Variants in KDM4B observed in about 807,000 individuals in gnomAD.
The protein encoded by KDM4B is lysine-specific demethylase 4B.
In KDM4B, 32 loss-of-function variants were observed where a neutral mutation model predicts 125.2. The ratio of observed to expected loss-of-function variants is 0.26; its 90% confidence interval spans 0.19 to 0.34. The LOEUF is 0.34. Among genes scored for constraint, KDM4B ranks in the 10% least tolerant of loss-of-function variants. KDM4B has a pLI of 1.00. For missense variants in KDM4B, 1,190 were observed against 1,577.7 expected (o/e 0.75, Z 4.16); for synonymous variants, 721 against 677.9 (o/e 1.06, Z -0.99).
intron 18 of KDM4B, among the ~76,000 whole-genome samples, chr19:5,139,469 G>A (rs771219912): frequency 6.6e-6 from 1 of 152,212 alleles, no homozygotes; most frequent in Non-Finnish European, 1.5e-5. Flanking sequence ...TTGCTGGACC[G>A]TCGGGCAGCT....
intron 9 of KDM4B, among the ~76,000 whole-genome samples, chr19:5,106,202 G>A (rs1051985265): frequency 6.6e-6 from 1 of 152,280 alleles, no homozygotes; most frequent in East Asian, 1.9e-4. Context: ...GTTGTGTGTC[G>A]TTTATTTAGT....
At chr19:4,994,135 C>T (rs2035123295) in intron 1 of KDM4B, among the ~76,000 whole-genome samples, 4 of 148,530 alleles carry the variant, frequency 2.7e-5, no homozygotes, top group Admixed American at 6.9e-5. Context: ...TCTGTAGAGA[C>T]GGGTTTTGCC....
intron 1 of KDM4B, among the ~76,000 whole-genome samples, chr19:5,011,641 G>C (rs531397630): frequency 6.6e-6 from 1 of 152,218 alleles, no homozygotes; most frequent in African/African-American, 2.4e-5. Context: ...CTCGCCAGGC[G>C]TGCAGGTGAG....
At chr19:5,127,143 C>G (rs548279985) in intron 11 of KDM4B, among the ~76,000 whole-genome samples, 1 of 152,182 alleles carries the variant, frequency 6.6e-6, no homozygotes, top group Admixed American at 6.5e-5. Context: ...AGCTGGCTGC[C>G]CTCGGGGGCC....
At chr19:5,028,041 G>C (rs2036335617) in intron 2 of KDM4B, among the ~76,000 whole-genome samples, 1 of 152,158 alleles carries the variant, frequency 6.6e-6, no homozygotes, top group South Asian at 2.1e-4. Context: ...CAGGGGTGCA[G>C]TCATAGCTCA....
intron 1 of KDM4B, among the ~76,000 whole-genome samples, chr19:4,987,704 C>T (rs197150): frequency 3.9e-4 from 60 of 152,256 alleles, no homozygotes; most frequent in African/African-American, 1.2e-3. Context: ...GGATGATGGG[C>T]GTGAGCCACT....
intron 1 of KDM4B, among the ~76,000 whole-genome samples, chr19:5,002,231 C>G (rs1427553620): frequency 6.6e-6 from 1 of 152,222 alleles, no homozygotes; most frequent in South Asian, 2.1e-4. Context: ...ATCCTGACCT[C>G]AGGTGATTCA....
intron 1 of KDM4B, among the ~76,000 whole-genome samples, chr19:4,979,082 A>G (rs1020863074): frequency 6.6e-6 from 1 of 152,176 alleles, no homozygotes; most frequent in Non-Finnish European, 1.5e-5. Context: ...CAGGAGTTCA[A>G]GACCAGCAAG....
chr19:5,064,898 C>T (rs2037718975), intron 6 of KDM4B, among the ~76,000 whole-genome samples: 1 of 152,230 alleles, frequency 6.6e-6, no homozygotes, highest in Admixed American at 6.5e-5. Flanking sequence ...GCCCCGATCT[C>T]GGGTTTTCTG....
At chr19:5,043,281 G>A (rs990825822) in intron 5 of KDM4B, among the ~76,000 whole-genome samples, 1 of 129,780 alleles carries the variant, frequency 7.7e-6, no homozygotes, top group Non-Finnish European at 1.7e-5. Context: ...TATCGGAGTG[G>A]GGGTGTCCAC....
chr19:5,020,881 TCACGCCTGTCATAC>T (rs1286949547), intron 2 of KDM4B, among the ~76,000 whole-genome samples: 1 of 152,132 alleles, frequency 6.6e-6, no homozygotes, highest in African/African-American at 2.4e-5. Context: ...GTGTGGTGGC[TCACGCCTGTCATAC>T]CAGCACTTTG....
intron 15 of KDM4B, 103 bp from the exon 16 acceptor site, chr19:5,137,159 G>A (rs554877319): frequency 2.5e-5 from 19 of 762,054 alleles, no homozygotes; most frequent in South Asian, 3.2e-5. Flanking sequence ...CTCCACATAC[G>A]GACACTGGCC....
chr19:5,110,795 G>A lies in KDM4B; in HGVS notation c.1092G>A (p.Ser364=), dbSNP rs754274253. The change falls in exon 10 of 23, where the codon TCG becomes TCA. Residue 364 remains serine, a synonymous_variant. Transcript: ENST00000159111. ...GCTCCTGGAGTGCATCCCGGGCCTC[G>A]CTGAAGGCCAAGCTCCTCCGCAGGT... The part of the protein sequence containing the change: ...ELSSWSASRA[S]LKAKLLRRSH... The A allele has an allele frequency of 2.3e-5, 37 of 1,593,502 alleles. 1 individual carries two copies. The South Asian group carries it at 3.5e-4, about 15-fold the overall frequency.
intron 6 of KDM4B, among the ~76,000 whole-genome samples, chr19:5,061,912 T>C (rs910492740): frequency 6.6e-6 from 1 of 151,560 alleles, no homozygotes; most frequent in Non-Finnish European, 1.5e-5. Context: ...CCATCAGATA[T>C]TGGAGGAGTT....
chr19:4,999,766 C>G (rs149568825), intron 1 of KDM4B, among the ~76,000 whole-genome samples: 2 of 146,856 alleles, frequency 1.4e-5, no homozygotes, highest in Non-Finnish European at 3.0e-5. Context: ...TCCATCCATC[C>G]ATCCACCCAC....
Position 5,135,325 on chromosome 19 carries a change from C to T in KDM4B, c.2086-14C>T, listed in dbSNP as rs780402719. On this transcript the variant is annotated splice_polypyrimidine_tract_variant and intron_variant, in intron 14 of 22. Transcript: ENST00000159111. ...ACATGGCTCTGTCCCCTGAAGGTCG[C>T]CTCTCCCCTACAGGCCCTACAGACT... The T allele has an allele frequency of 2.5e-6, 4 of 1,582,676 alleles. No individual in the cohort carries two copies. The East Asian group carries it at 6.7e-5, about 27-fold the overall frequency.
At chr19:5,087,441 T>C (rs2038541566) in intron 9 of KDM4B, among the ~76,000 whole-genome samples, 1 of 152,218 alleles carries the variant, frequency 6.6e-6, no homozygotes, top group South Asian at 2.1e-4. Flanking sequence ...TGGTGACCTT[T>C]GGACCCCAGT....
At chr19:5,022,394 T>C (rs2036151784) in intron 2 of KDM4B, among the ~76,000 whole-genome samples, 1 of 152,194 alleles carries the variant, frequency 6.6e-6, no homozygotes, top group Non-Finnish European at 1.5e-5. Flanking sequence ...TGCTGAGGTG[T>C]GGCTCACATC....
chr19:5,062,097 ACTC>A (rs2037619880), intron 6 of KDM4B, among the ~76,000 whole-genome samples: 1 of 151,164 alleles, frequency 6.6e-6, no homozygotes, highest in African/African-American at 2.4e-5. Context: ...AAAGGGTCTC[ACTC>A]CTCCTCTTCC....
Sources: allele counts gnomAD v4.1 joint callset (sites outside exome capture counted in the v4.1 genomes callset), GRCh38; gene constraint gnomAD v4.1.1; transcripts MANE v1.5; gene names NCBI Gene and HGNC (gene_info 2026-07-23, HGNC 2026-07-21).